The following SLC39A11 variants were observed in gnomAD, a reference collection of about 807,000 sequenced individuals.
The protein encoded by SLC39A11 is zinc transporter ZIP11.
A neutral mutation model predicts 36.1 loss-of-function variants in SLC39A11; 33 were observed. That is an observed-to-expected ratio of 0.91 (90% CI 0.69 to 1.22). SLC39A11 has a LOEUF of 1.22. SLC39A11 is among the 50% of genes most tolerant of loss of function. The pLI is 0.00. For synonymous variants in SLC39A11, 166 were observed against 170.3 expected (o/e 0.97, Z 0.20); for missense variants, 432 against 430.3 (o/e 1.00, Z -0.03).
intron 3 of SLC39A11, among the ~76,000 whole-genome samples, chr17:73,057,086 G>A (rs778298973): frequency 8.0e-4 from 122 of 152,256 alleles, no homozygotes; most frequent in Non-Finnish European, 1.4e-3. Flanking sequence ...TCAGCCTCCT[G>A]AGTACAGGCA....
At chr17:72,978,521 C>T (rs947983223) in intron 4 of SLC39A11, among the ~76,000 whole-genome samples, 2 of 152,118 alleles carry the variant, frequency 1.3e-5, no homozygotes, top group African/African-American at 2.4e-5. Flanking sequence ...GAGACATTTG[C>T]ACTGAGGCAG....
chr17:72,948,231 G>T (rs1171673801), intron 4 of SLC39A11, among the ~76,000 whole-genome samples: 1 of 144,318 alleles, frequency 6.9e-6, no homozygotes, highest in Non-Finnish European at 1.5e-5. Context: ...AAGCGTCATC[G>T]CCTCACACAC....
chr17:73,012,132 C>T (rs113507499), intron 4 of SLC39A11, among the ~76,000 whole-genome samples: 14,285 of 151,500 alleles, frequency 0.094, 799 homozygotes, highest in African/African-American at 0.14. Context: ...AAAAACTAGC[C>T]GGGCGTGGTG....
At chr17:72,785,802 G>A (rs549165139) in intron 6 of SLC39A11, among the ~76,000 whole-genome samples, 2 of 152,196 alleles carry the variant, frequency 1.3e-5, no homozygotes, top group Non-Finnish European at 2.9e-5. Flanking sequence ...TGAAGAGTAA[G>A]TTAAGTATGT....
At chr17:72,976,619 G>A (rs550884276) in intron 4 of SLC39A11, among the ~76,000 whole-genome samples, 25 of 152,346 alleles carry the variant, frequency 1.6e-4, no homozygotes, top group African/African-American at 5.8e-4. Context: ...GGGAGGCCAA[G>A]GCAGGCGGAT....
intron 4 of SLC39A11, among the ~76,000 whole-genome samples, chr17:72,979,202 G>A (rs774901576): frequency 2.0e-5 from 3 of 152,126 alleles, no homozygotes; most frequent in East Asian, 1.9e-4. Context: ...CCTTCCTGCC[G>A]CCTTGTGAAG....
chr17:73,066,494 T>C lies in SLC39A11; in HGVS notation c.147+18314A>G, dbSNP rs985385230. On this transcript the variant is annotated intron_variant, in intron 3 of 9. Transcript: ENST00000255559. ...ACCTCCTTGGCAAAAACACCTTAAT[T>C]TGCTTTTGAGGAATCACTTTTCCCT... Among the ~76,000 whole-genome samples, 3 of 152,226 alleles carry C rather than the reference T, an allele frequency of 2.0e-5. 1 individual carries two copies. The South Asian group carries it at 6.2e-4, about 31-fold the overall frequency.
At chr17:72,959,302 GGTGT>G (rs1281042081) in intron 4 of SLC39A11, among the ~76,000 whole-genome samples, 3 of 113,250 alleles carry the variant, frequency 2.6e-5, no homozygotes, top group African/African-American at 1.2e-4. Context: ...CAAAGAAACT[GGTGT>G]ATGTATGTGT....
intron 3 of SLC39A11, among the ~76,000 whole-genome samples, chr17:73,033,761 T>C (rs2058815830): frequency 6.6e-6 from 1 of 152,198 alleles, no homozygotes; most frequent in Non-Finnish European, 1.5e-5. Flanking sequence ...ATGCCTTGCC[T>C]TAAAAAATCA....
intron 5 of SLC39A11, among the ~76,000 whole-genome samples, chr17:72,877,814 T>TTTA (rs534543674): frequency 6.0e-4 from 90 of 150,490 alleles, no homozygotes; most frequent in African/African-American, 1.1e-3. Flanking sequence ...TTTATTTTTA[T>TTTA]TTATTATTAT....
At chr17:72,704,018 C>T (rs1199564768) in intron 7 of SLC39A11, among the ~76,000 whole-genome samples, 1 of 152,228 alleles carries the variant, frequency 6.6e-6, no homozygotes, top group Non-Finnish European at 1.5e-5. Flanking sequence ...GTCTCAGCTA[C>T]TTGGGAGGCT....
chr17:72,722,474 G>A (rs76702752), intron 7 of SLC39A11, among the ~76,000 whole-genome samples: 3,472 of 152,084 alleles, frequency 0.023, 150 homozygotes, highest in African/African-American at 0.079. Flanking sequence ...TATTATGCAA[G>A]GTTTTCATAT....
intron 5 of SLC39A11, among the ~76,000 whole-genome samples, chr17:72,858,237 T>C (rs1268262358): frequency 2.0e-5 from 3 of 152,222 alleles, no homozygotes; most frequent in East Asian, 3.8e-4. Flanking sequence ...TAGGAAGTCC[T>C]TTCCCAATTG....
intron 4 of SLC39A11, among the ~76,000 whole-genome samples, chr17:72,993,568 C>A (rs1024510264): frequency 2.0e-5 from 3 of 152,126 alleles, no homozygotes; most frequent in Non-Finnish European, 4.4e-5. Flanking sequence ...TCCACTGGAT[C>A]AACATTTATT....
chr17:72,770,732 C>T (rs139929294), intron 6 of SLC39A11, among the ~76,000 whole-genome samples: 37 of 152,332 alleles, frequency 2.4e-4, no homozygotes, highest in African/African-American at 8.7e-4. Flanking sequence ...CCAATAAATG[C>T]ACTGCAAGGC....
rs1380375311 is a variant in SLC39A11, at chr17:72,849,754, C to T, written c.481G>A (p.Gly161Ser). ...GGGACAGCAGGACCCTCTGGAAGGCCAGTGGCTGCCGCCTTCTTTCTCTGA... is the reference window on the plus strand; with the variant it reads ...GGGACAGCAGGACCCTCTGGAAGGCTAGTGGCTGCCGCCTTCTTTCTCTGA... ...AYQRKKAAATGLPEGPAVPVP... is the reference protein window; with the variant it reads ...AYQRKKAAATSLPEGPAVPVP... The change falls in exon 6 of 10, where the codon GGC (glycine) becomes AGC (serine). Residue 161 changes from glycine to serine, a missense_variant. Gly to Ser is a moderately conservative substitution (Grantham distance 56, BLOSUM62 0). Transcript: ENST00000255559. 6.2e-7 allele frequency: 1 copy of T among 1,605,124 alleles called. No individual in the cohort carries two copies. The highest frequency in any genetic ancestry group is 8.5e-7 in the Non-Finnish European group (1 of 1,177,202).
chr17:72,911,909 G>A (rs1303630214), intron 5 of SLC39A11, among the ~76,000 whole-genome samples: 2 of 152,174 alleles, frequency 1.3e-5, no homozygotes, highest in African/African-American at 4.8e-5. Flanking sequence ...CTCCCGAAGT[G>A]CTGGGATTAC....
chr17:72,768,817 G>A (rs1297466951), intron 6 of SLC39A11, among the ~76,000 whole-genome samples: 1 of 152,074 alleles, frequency 6.6e-6, no homozygotes, highest in African/African-American at 2.4e-5. Flanking sequence ...CTGGAGTGCA[G>A]TGGTGTGATC....
At chr17:72,936,813 A>T (rs1248020519) in intron 5 of SLC39A11, among the ~76,000 whole-genome samples, 1 of 152,140 alleles carries the variant, frequency 6.6e-6, no homozygotes, top group Non-Finnish European at 1.5e-5. Flanking sequence ...TTAGATTCTC[A>T]TAAGGAAGGC....
Sources: gnomAD v4.1 joint callset for allele counts (sites outside exome capture counted in the v4.1 genomes callset) on GRCh38, gnomAD v4.1.1 for gene constraint, MANE v1.5 for transcripts, NCBI Gene and HGNC (gene_info 2026-07-23, HGNC 2026-07-21) for gene names.